CKS2: variants seen among roughly 807,000 people sequenced by gnomAD.
CKS2 encodes the protein cyclin-dependent kinases regulatory subunit 2.
Under a neutral mutation model 14.3 loss-of-function variants are expected in CKS2, and 4 were observed. The ratio of observed to expected loss-of-function variants is 0.28; its 90% CI spans 0.14 to 0.64. The LOEUF is 0.64. CKS2 is among the 30% of genes least tolerant of loss of function. The pLI is 0.83. For missense variants in CKS2, 71 were observed against 94.3 expected, an observed-to-expected ratio of 0.75 and a Z score of 1.02; for synonymous variants, 33 against 28.7, an observed-to-expected ratio of 1.15 and a Z score of -0.48.
intron 1 of CKS2, among the ~76,000 whole-genome samples, chr9:89,313,534 T>C (rs1485862492): frequency 6.6e-6 from 1 of 152,246 alleles, no homozygotes; most frequent in Non-Finnish European, 1.5e-5. Flanking sequence ...TGTGGCAAAA[T>C]ACAGGTAGAA....
At chr9:89,316,239 T>C (rs1824709993) in intron 2 of CKS2, 134 bp from the exon 3 acceptor site, 2 of 619,716 alleles carry the variant, frequency 3.2e-6, no homozygotes, top group Non-Finnish European at 2.9e-6. Flanking sequence ...GAAAAAAAAA[T>C]CATTTTGGAT....
intron 1 of CKS2, chr9:89,312,175 C>A (rs773668895): frequency 6.5e-6 from 1 of 154,588 alleles, no homozygotes; most frequent in Non-Finnish European, 1.5e-5. Flanking sequence ...GCGTTTGAGT[C>A]CTGAAGCACC....
intron 1 of CKS2, chr9:89,312,132 C>T (rs909919076): frequency 3.9e-5 from 6 of 153,982 alleles, no homozygotes; most frequent in African/African-American, 1.4e-4. Flanking sequence ...TGCTAGTATA[C>T]ACTGGCCAAA....
chr9:89,311,578 G>T (rs542572282), intron 1 of CKS2, among the ~76,000 whole-genome samples: 1 of 152,354 alleles, frequency 6.6e-6, no homozygotes, highest in East Asian at 1.9e-4. Context: ...TGTTCGGTGT[G>T]CGCGGAGGGT....
chr9:89,316,111 CAG>C (rs1425982747), intron 2 of CKS2, among the ~76,000 whole-genome samples: 1 of 147,328 alleles, frequency 6.8e-6, no homozygotes, highest in East Asian at 2.0e-4. Flanking sequence ...CCTATTGAAA[CAG>C]AATCTATGGG....
intron 2 of CKS2, 134 bp from the exon 3 acceptor site, chr9:89,316,239 T>A (rs1824709993): frequency 1.6e-6 from 1 of 619,716 alleles, no homozygotes. Context: ...GAAAAAAAAA[T>A]CATTTTGGAT....
rs1294340845 is a variant in CKS2, at chr9:89,311,221, G to C, written c.-72G>C. 9 of 1,294,438 alleles carry C rather than the reference G, an allele frequency of 7.0e-6. No homozygotes were observed. The highest frequency in any genetic ancestry group is 1.8e-5 in the Admixed American group (1 of 55,634). 80.2% of individuals were successfully genotyped at this position (1,294,438 alleles called of 1,614,324 possible). The stretch of plus-strand genomic sequence containing the variant: ...TTAGTCTCCGGCGAGTTGTTGCCTG[G>C]GCTGGACGTGGTTTTGTCTGCTGCG... On this transcript the variant is annotated 5_prime_UTR_variant, in exon 1 of 3. Transcript: ENST00000314355.
In CKS2 at chr9:89,315,183, C is replaced by A; in HGVS notation, c.73C>A (p.Pro25Thr). 6.2e-7 allele frequency: 1 copy of A among 1,608,674 alleles called. No individual in the cohort carries two copies. The highest frequency in any genetic ancestry group is 8.5e-7 in the Non-Finnish European group (1 of 1,177,796). The change falls in exon 2 of 3, where the codon CCC (proline) becomes ACC (threonine). Residue 25 changes from proline (P) to threonine (T), a missense_variant. Coordinates refer to ENST00000314355, the MANE Select transcript of CKS2 (RefSeq NM_001827.3). ...ATCTTGTAACAGGCATGTTATGTTA[C>A]CCAGAGAACTTTCCAAACAAGTACC... ...EHYEYRHVMLPRELSKQVPKT... is the reference protein window; with the variant it reads ...EHYEYRHVMLTRELSKQVPKT...
chr9:89,311,381 C>G (rs769815844), intron 1 of CKS2, 30 bp downstream of exon 1: 3 of 1,584,848 alleles, frequency 1.9e-6, no homozygotes, highest in South Asian at 1.1e-5. Context: ...CCCGAGCCGG[C>G]TCCCTCAGCC....
intron 1 of CKS2, among the ~76,000 whole-genome samples, chr9:89,311,748 G>C (rs2131461677): frequency 6.6e-6 from 1 of 152,316 alleles, no homozygotes; most frequent in East Asian, 1.9e-4. Flanking sequence ...CTCAGTTCCA[G>C]TTCTTTGAAC....
chr9:89,316,006 C>T (rs569381578), intron 2 of CKS2, among the ~76,000 whole-genome samples: 2 of 152,282 alleles, frequency 1.3e-5, no homozygotes, highest in African/African-American at 4.8e-5. Flanking sequence ...AAGGACTCAT[C>T]ACTTTCTTGG....
At chr9:89,315,376 A>G in intron 2 of CKS2, 79 bp downstream of exon 2, 1 of 1,255,010 alleles carries the variant, frequency 8.0e-7, no homozygotes, top group South Asian at 1.9e-5. Flanking sequence ...TAAAAATATC[A>G]TTGACATCAA....
chr9:89,313,281 T>G (rs1182882652), intron 1 of CKS2, among the ~76,000 whole-genome samples: 1 of 152,234 alleles, frequency 6.6e-6, no homozygotes, highest in Non-Finnish European at 1.5e-5. Flanking sequence ...TTTCTTTGAT[T>G]TTTCTTAATT....
chr9:89,316,374 AC>A lies in CKS2; in HGVS notation c.191del (p.Pro64HisfsTer35). ...WVHYMIHEPE[P>X]HILLFRRPLP... ...ATTCAAAACATTTTCTTTCCACAGA[AC>A]CACATATTCTTCTCTTTAGACGACC... On this transcript the variant is annotated frameshift_variant and splice_region_variant, in exon 3 of 3. Coordinates refer to ENST00000314355, the MANE Select transcript of CKS2 (RefSeq NM_001827.3). LOFTEE classifies it high-confidence loss of function. The A allele has an allele frequency of 6.3e-7, 1 of 1,579,720 alleles. No individual in the cohort carries two copies. The highest frequency in any genetic ancestry group is 8.7e-7 in the Non-Finnish European group (1 of 1,152,762).
rs191443903 is a variant in CKS2, at chr9:89,313,158, A to G, written c.59+1807A>G. ...TTTTAAAGGGGAAACTAGTAATAAT[A>G]TAGCACTAAGGCATGAGTCTAGGGT... On this transcript the variant is annotated intron_variant, in intron 1 of 2. Coordinates refer to ENST00000314355, the MANE Select transcript of CKS2 (RefSeq NM_001827.3). Among the ~76,000 whole-genome samples the G allele has an allele frequency of 1.3e-3, 195 of 152,396 alleles. 2 individuals carry two copies. The highest frequency in any genetic ancestry group is 4.5e-3 in the African/African-American group (187 of 41,600).
intron 1 of CKS2, among the ~76,000 whole-genome samples, chr9:89,311,872 A>T (rs898455235): frequency 6.6e-6 from 1 of 152,198 alleles, no homozygotes; most frequent in Non-Finnish European, 1.5e-5. Flanking sequence ...TAGAATGGTC[A>T]AATGGTCATT....
chr9:89,311,224 T>G lies in CKS2; in HGVS notation c.-69T>G, dbSNP rs1028272809. 2.3e-6 allele frequency: 3 copies of G among 1,325,004 alleles called. No homozygotes were observed. The highest frequency in any genetic ancestry group is 1.8e-5 in the Admixed American group (1 of 56,340). 82.1% of individuals were successfully genotyped at this position (1,325,004 alleles called of 1,614,324 possible). ...GTCTCCGGCGAGTTGTTGCCTGGGC[T>G]GGACGTGGTTTTGTCTGCTGCGCCC... On this transcript the variant is annotated 5_prime_UTR_variant, in exon 1 of 3. Coordinates refer to ENST00000314355, the MANE Select transcript of CKS2 (RefSeq NM_001827.3).
chr9:89,312,038 G>A (rs762472279), intron 1 of CKS2, among the ~76,000 whole-genome samples: 2 of 152,012 alleles, frequency 1.3e-5, no homozygotes, highest in Non-Finnish European at 2.9e-5. Context: ...TAGGTTAGCC[G>A]CAGTCATACA....
chr9:89,311,455 GGGC>G, intron 1 of CKS2, 104 bp downstream of exon 1: 1 of 804,732 alleles, frequency 1.2e-6, no homozygotes, highest in Non-Finnish European at 1.8e-6. Context: ...GGGGCCTGGG[GGGC>G]GGAGCCCGGG....
Sources: gnomAD v4.1 joint callset for allele counts (sites outside exome capture counted in the v4.1 genomes callset) on GRCh38, gnomAD v4.1.1 for gene constraint, MANE v1.5 for transcripts, NCBI Gene and HGNC (gene_info 2026-07-23, HGNC 2026-07-21) for gene names.